HTT: variants seen among roughly 807,000 people sequenced by gnomAD.
HTT encodes the protein huntington disease protein.
HTT carries 104 observed loss-of-function variants against 362.3 expected under a neutral mutation model. That is an observed-to-expected ratio of 0.29 (90% CI 0.24 to 0.34). The LOEUF (loss-of-function observed/expected upper bound fraction) is 0.34, where lower values mean the gene tolerates loss of function less well. Among genes scored for constraint, HTT ranks in the 10% least tolerant of loss-of-function variants. The probability of loss-of-function intolerance (pLI) is 1.00; values close to 1 mark genes in which losing one functional copy is unlikely to be tolerated. For synonymous variants in HTT, 1,577 were observed against 1,548.7 expected (o/e 1.02, Z -0.43); for missense variants, 3,301 against 3,928.6 (o/e 0.84, Z 4.27).
intron 22 of HTT, among the ~76,000 whole-genome samples, chr4:3,141,884 A>T (rs1441083287): frequency 6.6e-6 from 1 of 152,218 alleles, no homozygotes; most frequent in African/African-American, 2.4e-5. Flanking sequence ...CTTGGAGAAG[A>T]TTCAGGACAA....
chr4:3,074,873 C>A lies in HTT; in HGVS notation c.48C>A (p.Ser16=). 7.4e-7 allele frequency: 1 copy of A among 1,360,420 alleles called. No homozygotes were observed. The highest frequency in any genetic ancestry group is 9.8e-7 in the Non-Finnish European group (1 of 1,018,416). The allele number at this position is 1,360,420 out of a possible 1,614,324, so 84.3% of individuals were successfully genotyped here. ...TGAAGGCCTTCGAGTCCCTCAAGTC[C>A]TTCCAGCAGCAGCAGCAGCAGCAGC... ...KLMKAFESLK[S]FQQQQQQQQQ... The change falls in exon 1 of 67, where the codon TCC becomes TCA. Residue 16 remains serine (S), a synonymous_variant. Coordinates refer to ENST00000355072, the MANE Select transcript of HTT (RefSeq NM_001388492.1).
rs954003324 is a variant in HTT at position 3,127,580 on chromosome 4, T to C, written c.1719T>C (p.Val573=). 6.2e-7 allele frequency: 1 copy of C among 1,613,406 alleles called. No individual in the cohort carries two copies. The highest frequency in any genetic ancestry group is 8.5e-7 in the Non-Finnish European group (1 of 1,179,460). The change falls in exon 12 of 67, where the codon GTT becomes GTC. Residue 573 remains valine (V), a synonymous_variant. Transcript: ENST00000355072. ...CCACCGAAGGGCCTGATTCAGCTGT[T>C]ACCCCTTCAGACAGTTCTGAAATTG... ...QTTTEGPDSA[V]TPSDSSEIVL...
intron 37 of HTT, among the ~76,000 whole-genome samples, chr4:3,183,304 G>GGC (rs1242450683): frequency 6.6e-6 from 1 of 152,220 alleles, no homozygotes; most frequent in East Asian, 1.9e-4. Context: ...GTCAGGCACA[G>GGC]GCCACTGTGC....
At chr4:3,201,826 A>C (rs1396259323) in intron 41 of HTT, among the ~76,000 whole-genome samples, 1 of 152,200 alleles carries the variant, frequency 6.6e-6, no homozygotes, top group Non-Finnish European at 1.5e-5. Context: ...GAGATGAGAA[A>C]AATGAATTAC....
At position 3,074,875 on chromosome 4, in the gene HTT, TCCAGCAGCA is replaced by T. The variant is rs1456772513; in HGVS notation, c.51_59del (p.Phe17_Gln20delinsLeu). 7 of 1,287,824 alleles carry T rather than the reference TCCAGCAGCA, an allele frequency of 5.4e-6. No homozygotes were observed. Among genetic ancestry groups the T allele is most frequent in the Middle Eastern group, 2.6e-4 (1 of 3,840 alleles). The allele number at this position is 1,287,824 out of a possible 1,614,324, so 79.8% of individuals were successfully genotyped here. On this transcript the variant is annotated inframe_deletion, in exon 1 of 67. Transcript: ENST00000355072. The stretch of plus-strand genomic sequence containing the variant: ...AAGGCCTTCGAGTCCCTCAAGTCCT[TCCAGCAGCA>T]GCAGCAGCAGCAGCAGCAGCAGCAG...
chr4:3,154,142 C>G, intron 26 of HTT, 151 bp from the exon 27 acceptor site: 1 of 606,706 alleles, frequency 1.6e-6, no homozygotes, highest in Non-Finnish European at 2.9e-6. Flanking sequence ...AGTGTCTGAA[C>G]TGTACATATC....
At chr4:3,164,739 C>T (rs1717616581) in intron 29 of HTT, among the ~76,000 whole-genome samples, 1 of 152,140 alleles carries the variant, frequency 6.6e-6, no homozygotes, top group African/African-American at 2.4e-5. Context: ...ACTAGGATTG[C>T]AATCCCTGCT....
At chr4:3,207,258 A>C (rs932341316) in intron 44 of HTT, 23 bp from the exon 45 acceptor site, 1 of 1,606,146 alleles carries the variant, frequency 6.2e-7, no homozygotes, top group Non-Finnish European at 8.5e-7. Context: ...TTACAAACAC[A>C]CTAATGTGTT....
intron 50 of HTT, 146 bp downstream of exon 50, chr4:3,214,281 GC>G: frequency 1.9e-6 from 1 of 539,372 alleles, no homozygotes; most frequent in Non-Finnish European, 2.9e-6. Flanking sequence ...GAAGGGCTGG[GC>G]CCCATCTCTT....
chr4:3,127,484 A>G lies in HTT; in HGVS notation c.1623A>G (p.Pro541=), dbSNP rs1286273691. 1.2e-6 allele frequency: 2 copies of G among 1,614,190 alleles called. No homozygotes were observed. The highest frequency in any genetic ancestry group is 1.7e-6 in the Non-Finnish European group (2 of 1,180,010). ...SHSSSQVSAV[P]SDPAMDLNDG... is the part of the protein sequence containing the mutation. ...GCTCCAGCCAGGTCAGCGCCGTCCC[A>G]TCTGACCCTGCCATGGACCTGAATG... The change falls in exon 12 of 67, where the codon CCA becomes CCG. Residue 541 remains proline, a synonymous_variant. Coordinates refer to ENST00000355072, the MANE Select transcript of HTT (RefSeq NM_001388492.1).
In HTT at chr4:3,175,124, T is replaced by A; in HGVS notation, c.4407+17T>A. On this transcript the variant is annotated intron_variant, in intron 33 of 66. Coordinates refer to ENST00000355072, the MANE Select transcript of HTT (RefSeq NM_001388492.1). ...TCAGATCAGGTTTGTCACTTTTATC[T>A]TTCATCCATCATACCTGTTCCTAAT... is the stretch of plus-strand genomic sequence containing the variant. The A allele has an allele frequency of 6.2e-7, 1 of 1,604,586 alleles. No homozygotes were observed. The highest frequency in any genetic ancestry group is 8.5e-7 in the Non-Finnish European group (1 of 1,175,188).
At chr4:3,123,497 T>C (rs979346033) in intron 10 of HTT, 1 of 152,190 alleles carries the variant, frequency 6.6e-6, no homozygotes, top group African/African-American at 2.4e-5. Context: ...CTGGTCAACA[T>C]AGTGAGACCC....
At position 3,127,302 on chromosome 4, in the gene HTT, T is replaced by G. The variant is rs761970709; in HGVS notation, c.1441T>G (p.Ser481Ala). 24 of 1,614,084 alleles carry G rather than the reference T, an allele frequency of 1.5e-5. No individual in the cohort carries two copies. The highest frequency in any genetic ancestry group is 2.7e-5 in the African/African-American group (2 of 74,944). The change falls in exon 12 of 67, where the codon TCT becomes GCT. Residue 481 changes from serine (S) to alanine (A), a missense_variant. By Grantham distance (99) the Ser-to-Ala change is moderately conservative. Coordinates refer to ENST00000355072, the MANE Select transcript of HTT (RefSeq NM_001388492.1). ...TGAGATCAGTGGAGAGCTGGCTGCT[T>G]CTTCAGGGGTTTCCACTCCAGGGTC... ...KDEISGELAA[S>A]SGVSTPGSAG...
At chr4:3,092,760 T>C (rs1432938040) in intron 2 of HTT, among the ~76,000 whole-genome samples, 2 of 152,256 alleles carry the variant, frequency 1.3e-5, no homozygotes. Flanking sequence ...TGAAAGATTT[T>C]TGCTTCTGGC....
intron 6 of HTT, among the ~76,000 whole-genome samples, chr4:3,113,781 T>C (rs1714881342): frequency 6.6e-6 from 1 of 151,682 alleles, no homozygotes; most frequent in East Asian, 1.9e-4. Flanking sequence ...GGGGTAGTCC[T>C]GTGGCTCCTT....
Position 3,203,999 on chromosome 4 carries a change from C to T in HTT, c.5577-8C>T, listed in dbSNP as rs1269639106. 6.2e-7 allele frequency: 1 copy of T among 1,613,516 alleles called. No homozygotes were observed. Among genetic ancestry groups the T allele is most frequent in the Non-Finnish European group, 8.5e-7 (1 of 1,179,482 alleles). On this transcript the variant is annotated splice_polypyrimidine_tract_variant and splice_region_variant and intron_variant, in intron 41 of 66. Transcript: ENST00000355072. ...AAACATTGTCAATGCATCTGTTGCT[C>T]CTTCTAGAAGACACAGTCTGTCCAG... is the stretch of plus-strand genomic sequence containing the variant.
At chr4:3,098,903 C>T (rs921883314) in intron 2 of HTT, among the ~76,000 whole-genome samples, 3 of 151,840 alleles carry the variant, frequency 2.0e-5, no homozygotes, top group African/African-American at 4.8e-5. Context: ...AGTTTTTAAA[C>T]GAAAATTTAA....
intron 34 of HTT, 57 bp from the exon 35 acceptor site, chr4:3,178,241 T>A: frequency 1.6e-6 from 2 of 1,256,688 alleles, no homozygotes; most frequent in Non-Finnish European, 2.3e-6. Context: ...ATGTTGCTTA[T>A]ATTGATATGT....
chr4:3,140,758 C>A (rs1354752852), intron 22 of HTT, 102 bp downstream of exon 22: 5 of 1,190,696 alleles, frequency 4.2e-6, no homozygotes, highest in Non-Finnish European at 5.9e-6. Flanking sequence ...TAGAAAAAAG[C>A]TTCAGCTCAG....
Sources: allele counts gnomAD v4.1 joint callset (sites outside exome capture counted in the v4.1 genomes callset), GRCh38; gene constraint gnomAD v4.1.1; transcripts MANE v1.5; gene names NCBI Gene and HGNC (gene_info 2026-07-23, HGNC 2026-07-21).